The following ITGB4 variants were observed in gnomAD, a reference collection of about 807,000 sequenced individuals.
The protein encoded by ITGB4 is integrin beta-4.
In ITGB4, 159 loss-of-function variants were observed where a neutral mutation model predicts 207.6. The ratio of observed to expected loss-of-function variants is 0.77; its 90% CI spans 0.67 to 0.87. The LOEUF (loss-of-function observed/expected upper bound fraction) is 0.87. Among genes scored for constraint, ITGB4 ranks in the 40% least tolerant of loss-of-function variants. The pLI is 0.00. For missense variants in ITGB4, 2,278 were observed against 2,546.8 expected (o/e 0.89, Z 2.27); for synonymous variants, 1,020 against 1,062.7 (o/e 0.96, Z 0.78).
chr17:75,754,092 T>G lies in ITGB4; in HGVS notation c.4318+118T>G, dbSNP rs532606176. 2.6e-5 allele frequency: 12 copies of G among 461,302 alleles called. No homozygotes were observed. In the South Asian group the frequency reaches 7.6e-4, roughly 29 times the overall value. 28.6% of individuals were successfully genotyped at this position (461,302 alleles called of 1,614,324 possible). A position where few individuals can be genotyped will look rare whatever the true frequency, so the allele number is the denominator to read the frequency against. ...CCCCAGTTTCAGCCAGGCCCGGGCC[T>G]TGGCGGCTGGGAGCACAGCTGCTCA... On this transcript the variant is annotated intron_variant, in intron 33 of 39. Transcript: ENST00000200181.
chr17:75,757,565 G>A lies in ITGB4; in HGVS notation c.*10G>A. The A allele has an allele frequency of 6.2e-7, 1 of 1,612,988 alleles. No individual in the cohort carries two copies. The highest frequency in any genetic ancestry group is 8.5e-7 in the Non-Finnish European group (1 of 1,179,792). ...GTTCTTCCAAACTTGACCGCACCCT[G>A]CCCCACCCCCGCCACGTCCCACTAG... On this transcript the variant is annotated 3_prime_UTR_variant, in exon 40 of 40. Transcript: ENST00000200181.
Position 75,740,249 on chromosome 17 carries a change from G to A in ITGB4, c.2447-109G>A. 3 of 1,261,522 alleles carry A rather than the reference G, an allele frequency of 2.4e-6. No individual in the cohort carries two copies. The highest frequency in any genetic ancestry group is 2.4e-5 in the East Asian group (1 of 41,558). 78.1% of individuals were successfully genotyped at this position (1,261,522 alleles called of 1,614,324 possible). ...ATGCCTCGGTGTGCGTGGCCTGCTG[G>A]CCAGGCATCCCCTGATCCTAGCATG... On this transcript the variant is annotated intron_variant, in intron 20 of 39. Transcript: ENST00000200181. The surrounding 1 kb of genome is among the most constrained non-coding windows in gnomAD (Gnocchi z 5.9).
In ITGB4 at chr17:75,736,697, A is replaced by G. The variant is rs2060985221; in HGVS notation, c.1990+3A>G. The G allele has an allele frequency of 6.3e-7, 1 of 1,591,784 alleles. No individual in the cohort carries two copies. The highest frequency in any genetic ancestry group is 2.3e-5 in the East Asian group (1 of 44,198). On this transcript the variant is annotated splice_donor_region_variant and intron_variant, in intron 16 of 39. Transcript: ENST00000200181. ...GATGGTGGACGAGCTTAAGAGAGGT[A>G]GGGGCAGGGGCTGAGGGTTGGGGTT...
At chr17:75,744,266 A>G (rs1049092745) in intron 26 of ITGB4, among the ~76,000 whole-genome samples, 1 of 152,002 alleles carries the variant, frequency 6.6e-6, no homozygotes, top group South Asian at 2.1e-4. Flanking sequence ...GATTACAGGC[A>G]TGTGCCACCA....
In ITGB4 at chr17:75,727,472, C is replaced by T. The variant is rs762732702; in HGVS notation, c.231C>T (p.Ile77=). 2.2e-5 allele frequency: 36 copies of T among 1,613,940 alleles called. No individual in the cohort carries two copies. Among genetic ancestry groups the T allele is most frequent in the South Asian group, 1.4e-4 (13 of 91,088 alleles). The change falls in exon 4 of 40, where the codon ATC becomes ATT. Residue 77 remains isoleucine (I), a synonymous_variant. Transcript: ENST00000200181. This position sits in a 1 kb window ranked among gnomAD's most constrained non-coding sequence, Gnocchi z 6.0. ...CCGCGGGCTGCCAGCGGGAGAGCAT[C>T]GTGGTCATGGAGAGCAGCTTCCAAA... ...LLAAGCQRES[I]VVMESSFQIT...
Position 75,750,571 on chromosome 17 carries a change from C to G in ITGB4, c.3475-109C>G. ...ATGGCAGATCTCTCAGCCCCTCCCT[C>G]GGGCCTCATCTGTGCAAAGAGGACA... On this transcript the variant is annotated intron_variant, in intron 28 of 39. Transcript: ENST00000200181. This position sits in a 1 kb window ranked among gnomAD's most constrained non-coding sequence, Gnocchi z 5.5. 3.0e-6 allele frequency: 3 copies of G among 1,007,242 alleles called. No homozygotes were observed. The highest frequency in any genetic ancestry group is 4.6e-6 in the Non-Finnish European group (3 of 659,194). The allele number at this position is 1,007,242 out of a possible 1,614,324, so 62.4% of individuals were successfully genotyped here.
chr17:75,741,477 G>A (rs1599268786), intron 23 of ITGB4, among the ~76,000 whole-genome samples: 1 of 152,118 alleles, frequency 6.6e-6, no homozygotes, highest in Non-Finnish European at 1.5e-5. Flanking sequence ...TTGATGCAGG[G>A]ACAGAAGAGC....
In ITGB4 at chr17:75,756,750, G is replaced by A. The variant is rs777911248; in HGVS notation, c.4944G>A (p.Val1648=). 3.7e-6 allele frequency: 6 copies of A among 1,612,942 alleles called. No individual in the cohort carries two copies. In the African/African-American group the frequency reaches 5.3e-5, roughly 14 times the overall value. Residue 1648 remains valine, a synonymous_variant, in exon 37 of 40, where the codon GTG becomes GTA. Transcript: ENST00000200181. ...LSTPSAPGPL[V]FTALSPDSLQ... Reference sequence around the variant, plus strand: ...CTCCCAGTGCCCCAGGCCCGCTGGTGTTCACTGCCCTGAGCCCAGACTCGC... The same window carrying A: ...CTCCCAGTGCCCCAGGCCCGCTGGTATTCACTGCCCTGAGCCCAGACTCGC...
Position 75,750,860 on chromosome 17 carries a change from G to A in ITGB4, c.3655G>A (p.Val1219Met). 1 of 1,613,416 alleles carries A rather than the reference G, an allele frequency of 6.2e-7. No individual in the cohort carries two copies. ...SLVSCRTHQE[V>M]PSEPGRLAFN... is the part of the protein sequence containing the mutation. ...GGTGTCCTGCCGCACCCACCAGGAA[G>A]GTGAGGCCTCGCCATGTCTGTCCAT... is the stretch of plus-strand genomic sequence containing the variant. Residue 1219 changes from valine (V) to methionine (M), a missense_variant and splice_region_variant, in exon 29 of 40, where the codon GTG becomes ATG. Physicochemically the swap from Val to Met is conservative, Grantham distance 21. Transcript: ENST00000200181. This position sits in a 1 kb window ranked among gnomAD's most constrained non-coding sequence, Gnocchi z 5.5.
chr17:75,749,831 T>C lies in ITGB4; in HGVS notation c.3317-280T>C, dbSNP rs143171281. Among the ~76,000 whole-genome samples the C allele has an allele frequency of 2.6e-5, 4 of 152,192 alleles. No homozygotes were observed. In the East Asian group the frequency reaches 7.7e-4, roughly 29 times the overall value. The stretch of plus-strand genomic sequence containing the variant: ...GTGGAGATGGGGTGGGGAGCAAATG[T>C]TCTCATGTGGAATGTTCCCTGAGCT... On this transcript the variant is annotated intron_variant, in intron 27 of 39. Coordinates refer to ENST00000200181, the MANE Select transcript of ITGB4 (RefSeq NM_000213.5).
In ITGB4 at chr17:75,756,870, C is replaced by G; in HGVS notation, c.5053+11C>G. Reference sequence around the variant, plus strand: ...TGGCCCAAGGAGGAGGTGCTGCCCACCCCGGGGGCAGGAGTGGCCAGGGGA... The same window carrying G: ...TGGCCCAAGGAGGAGGTGCTGCCCAGCCCGGGGGCAGGAGTGGCCAGGGGA... On this transcript the variant is annotated intron_variant, in intron 37 of 39. Coordinates refer to ENST00000200181, the MANE Select transcript of ITGB4 (RefSeq NM_000213.5). 1 of 1,612,286 alleles carries G rather than the reference C, an allele frequency of 6.2e-7. No individual in the cohort carries two copies. The highest frequency in any genetic ancestry group is 1.7e-5 in the Admixed American group (1 of 60,020).
In ITGB4 at chr17:75,736,373, T is replaced by C; in HGVS notation, c.1847T>C (p.Ile616Thr). The C allele has an allele frequency of 6.2e-7, 1 of 1,614,046 alleles. No homozygotes were observed. The highest frequency in any genetic ancestry group is 8.5e-7 in the Non-Finnish European group (1 of 1,180,012). ...CTCTACACGGACACCATCTGCGAGATCAACTACTCGGCGGTGAGGCTAAGA... is the reference window on the plus strand; with the variant it reads ...CTCTACACGGACACCATCTGCGAGACCAACTACTCGGCGGTGAGGCTAAGA... ...QSLYTDTICEINYSAIHPGLC... is the reference protein window; with the variant it reads ...QSLYTDTICETNYSAIHPGLC... The change falls in exon 15 of 40, where the codon ATC becomes ACC. Residue 616 changes from isoleucine to threonine, a missense_variant. Transcript: ENST00000200181.
At position 75,730,957 on chromosome 17, in the gene ITGB4, C is replaced by A. The variant is rs531539918; in HGVS notation, c.1085C>A (p.Ala362Asp). Reference sequence around the variant, plus strand: ...AACATCGTGGAGCTGCTGGAGGAGGCCTTCAATGTGAGGGCAGCTCAGGCT... The same window carrying A: ...AACATCGTGGAGCTGCTGGAGGAGGACTTCAATGTGAGGGCAGCTCAGGCT... ...SSNIVELLEEAFNRIRSNLDI... is the reference protein window; with the variant it reads ...SSNIVELLEEDFNRIRSNLDI... Residue 362 changes from alanine (A) to aspartate (D), a missense_variant, in exon 9 of 40, where the codon GCC (alanine) becomes GAC (aspartate). Ala to Asp is a moderately radical substitution (Grantham distance 126, BLOSUM62 -2). Transcript: ENST00000200181. 2 of 1,613,338 alleles carry A rather than the reference C, an allele frequency of 1.2e-6. No individual in the cohort carries two copies. The highest frequency in any genetic ancestry group is 1.7e-6 in the Non-Finnish European group (2 of 1,179,598).
At position 75,754,718 on chromosome 17, in the gene ITGB4, C is replaced by G. The variant is rs559388831; in HGVS notation, c.4461C>G (p.Thr1487=). ...VPHRVLSTSS[T]LTRDYNSLTR... ...ACCGCGTGCTAAGCACATCCTCCACCCTCACACGGGACTACAACTCACTGA... is the reference window on the plus strand; with the variant it reads ...ACCGCGTGCTAAGCACATCCTCCACGCTCACACGGGACTACAACTCACTGA... Residue 1487 remains threonine (T), a synonymous_variant, in exon 34 of 40, where the codon ACC becomes ACG. Coordinates refer to ENST00000200181, the MANE Select transcript of ITGB4 (RefSeq NM_000213.5). The G allele has an allele frequency of 1.9e-6, 3 of 1,614,172 alleles. No individual in the cohort carries two copies. In the East Asian group the frequency reaches 6.7e-5, roughly 36 times the overall value.
chr17:75,738,336 C>T (rs1010495574), intron 18 of ITGB4, among the ~76,000 whole-genome samples: 2 of 152,144 alleles, frequency 1.3e-5, no homozygotes, highest in African/African-American at 4.8e-5. Context: ...CCGTTCTCTG[C>T]TTAGCTCAGT....
rs1356083300 is a variant in ITGB4, at chr17:75,754,684, A to C, written c.4427A>C (p.His1476Pro). The C allele has an allele frequency of 6.2e-7, 1 of 1,614,102 alleles. No homozygotes were observed. Among genetic ancestry groups the C allele is most frequent in the East Asian group, 2.2e-5 (1 of 44,870 alleles). Residue 1476 changes from histidine to proline, a missense_variant, in exon 34 of 40, where the codon CAC becomes CCC. His to Pro is a moderately conservative substitution (Grantham distance 77). Coordinates refer to ENST00000200181, the MANE Select transcript of ITGB4 (RefSeq NM_000213.5). Reference sequence around the variant, plus strand: ...GCCTATGGCACCCACCTGAGCCCACACGTGCCCCACCGCGTGCTAAGCACA... The same window carrying C: ...GCCTATGGCACCCACCTGAGCCCACCCGTGCCCCACCGCGTGCTAAGCACA... ...AAAYGTHLSP[H>P]VPHRVLSTSS...
At chr17:75,757,147 G>C (rs2061532910) in intron 38 of ITGB4, 40 bp downstream of exon 38, 11 of 1,612,662 alleles carry the variant, frequency 6.8e-6, no homozygotes, top group Non-Finnish European at 9.3e-6. Flanking sequence ...CCCCTCCTCG[G>C]GCCGTGCCTC....
At position 75,739,226 on chromosome 17, in the gene ITGB4, T is replaced by C. The variant is rs1265324369; in HGVS notation, c.2221-446T>C. Among the ~76,000 whole-genome samples the C allele has an allele frequency of 4.0e-5, 6 of 149,586 alleles. No individual in the cohort carries two copies. The highest frequency in any genetic ancestry group is 8.9e-5 in the Non-Finnish European group (6 of 67,534). Reference sequence around the variant, plus strand: ...AGGAGAATTGCTTGAACCTGGGAGGTAGAGGTTGCAGTGAGCCGCGATCGT... The same window carrying C: ...AGGAGAATTGCTTGAACCTGGGAGGCAGAGGTTGCAGTGAGCCGCGATCGT... On this transcript the variant is annotated intron_variant, in intron 18 of 39. Transcript: ENST00000200181. The surrounding 1 kb of genome is among the most constrained non-coding windows in gnomAD (Gnocchi z 5.4).
At chr17:75,752,655 CAA>C in intron 32 of ITGB4, 78 bp downstream of exon 32, 5 of 1,568,190 alleles carry the variant, frequency 3.2e-6, no homozygotes, top group Non-Finnish European at 4.4e-6. Flanking sequence ...CCAGAGAGGG[CAA>C]AGGGGCCAGC....
Sources: gnomAD v4.1 joint callset for allele counts (sites outside exome capture counted in the v4.1 genomes callset) on GRCh38, gnomAD v4.1.1 for gene constraint, Gnocchi (gnomAD v3.1) non-coding constraint, MANE v1.5 for transcripts, NCBI Gene and HGNC (gene_info 2026-07-23, HGNC 2026-07-21) for gene names.